Variants in CPSF3 observed in about 807,000 individuals in gnomAD.
CPSF3 encodes cleavage and polyadenylation specificity factor subunit 3.
In CPSF3, 57 loss-of-function variants were observed where a neutral mutation model predicts 84.1. The observed-to-expected ratio is 0.68, with a 90% CI of 0.55 to 0.85. The LOEUF is 0.85. Ranked by LOEUF, CPSF3 falls within the 40% of genes least tolerant of loss-of-function variation. The pLI is 0.00. For synonymous variants in CPSF3, 275 were observed against 278.1 expected, an observed-to-expected ratio of 0.99 and a Z score of 0.11; for missense variants, 522 against 838.8, an observed-to-expected ratio of 0.62 and a Z score of 4.66.
chr2:9,443,399 T>A (rs1681019887), intron 9 of CPSF3, 116 bp from the exon 10 acceptor site: 1 of 973,948 alleles, frequency 1.0e-6, no homozygotes, highest in Admixed American at 2.5e-5. Flanking sequence ...TAGAATGATT[T>A]TGTGCGTAAG....
chr2:9,426,661 A>G (rs529198962), intron 1 of CPSF3, among the ~76,000 whole-genome samples: 1 of 152,278 alleles, frequency 6.6e-6, no homozygotes, highest in East Asian at 1.9e-4. Context: ...GAAACAGGAA[A>G]GCCAGCAAGA....
At chr2:9,435,772 G>A (rs1015435005) in intron 6 of CPSF3, among the ~76,000 whole-genome samples, 4 of 147,168 alleles carry the variant, frequency 2.7e-5, no homozygotes, top group African/African-American at 1.0e-4. Context: ...TTGCTCTGTC[G>A]CCCAGGCTGG....
At chr2:9,449,834 C>T (rs1681254201) in intron 11 of CPSF3, among the ~76,000 whole-genome samples, 1 of 152,152 alleles carries the variant, frequency 6.6e-6, no homozygotes, top group African/African-American at 2.4e-5. Context: ...CCTGAGCTGG[C>T]TTTTTAGAGG....
intron 9 of CPSF3, among the ~76,000 whole-genome samples, chr2:9,442,479 AATATG>A (rs1220725746): frequency 6.6e-6 from 1 of 152,216 alleles, no homozygotes; most frequent in African/African-American, 2.4e-5. Flanking sequence ...TATTTTTAAA[AATATG>A]ATATGATTCT....
intron 7 of CPSF3, among the ~76,000 whole-genome samples, chr2:9,439,063 A>G (rs1347169469): frequency 6.6e-6 from 1 of 152,242 alleles, no homozygotes; most frequent in Non-Finnish European, 1.5e-5. Flanking sequence ...CTAAGAAATC[A>G]TAAGAGTAAT....
rs553118377 is a variant in CPSF3, at chr2:9,459,713, G to A, written c.1786+95G>A. 18 of 575,350 alleles carry A rather than the reference G, an allele frequency of 3.1e-5. 1 individual carries two copies. Among genetic ancestry groups the A allele is most frequent in the African/African-American group, 1.7e-4 (7 of 41,600 alleles). The allele number at this position is 575,350 out of a possible 1,614,324, so 35.6% of individuals were successfully genotyped here. ...CATCCAGGCTGGAGTGCAGTGGCAC[G>A]ATCTCAGCTCACTGCATCCTCCACT... On this transcript the variant is annotated intron_variant, in intron 15 of 17. Coordinates refer to ENST00000238112, the MANE Select transcript of CPSF3 (RefSeq NM_016207.4).
intron 14 of CPSF3, among the ~76,000 whole-genome samples, chr2:9,458,987 C>T (rs1681629211): frequency 1.3e-5 from 2 of 151,970 alleles, no homozygotes; most frequent in East Asian, 1.9e-4. Context: ...TGGCACATAC[C>T]TGTAATCCCA....
intron 15 of CPSF3, among the ~76,000 whole-genome samples, chr2:9,463,029 TC>T (rs1681782401): frequency 6.6e-6 from 1 of 152,164 alleles, no homozygotes; most frequent in African/African-American, 2.4e-5. Flanking sequence ...GAGCACCTGC[TC>T]CCCAGCAGGC....
At chr2:9,462,199 T>C (rs549275976) in intron 15 of CPSF3, among the ~76,000 whole-genome samples, 20 of 152,232 alleles carry the variant, frequency 1.3e-4, no homozygotes, top group Non-Finnish European at 2.5e-4. Flanking sequence ...AAGGCCCCCA[T>C]CCTTCTAAGA....
In CPSF3 at chr2:9,436,321, C is replaced by G; in HGVS notation, c.720C>G (p.Val240=). The G allele has an allele frequency of 1.2e-6, 2 of 1,613,928 alleles. No individual in the cohort carries two copies. The highest frequency in any genetic ancestry group is 1.7e-6 in the Non-Finnish European group (2 of 1,179,898). ...VNRGGRGLIP[V]FALGRAQELL... ...GAGGAGGCAGGGGTCTCATTCCTGT[C>G]TTTGCTCTTGGAAGGGCTCAGGAGC... Residue 240 remains valine, a synonymous_variant, in exon 7 of 18, where the codon GTC becomes GTG. Coordinates refer to ENST00000238112, the MANE Select transcript of CPSF3 (RefSeq NM_016207.4).
chr2:9,468,586 C>T (rs1215498217), intron 16 of CPSF3, among the ~76,000 whole-genome samples: 1 of 149,324 alleles, frequency 6.7e-6, no homozygotes, highest in Non-Finnish European at 1.5e-5. Flanking sequence ...CATTTCTGTT[C>T]CTTCCTTTCT....
Position 9,428,753 on chromosome 2 carries a change from G to A in CPSF3, c.51-12G>A. 6.3e-7 allele frequency: 1 copy of A among 1,589,728 alleles called. No homozygotes were observed. The highest frequency in any genetic ancestry group is 8.6e-7 in the Non-Finnish European group (1 of 1,159,934). On this transcript the variant is annotated splice_polypyrimidine_tract_variant and intron_variant, in intron 1 of 17. Transcript: ENST00000238112. ...TTTTAATCCTTCTTTTTCTCCCCTT[G>A]AATATTTACAGTGGAGCTGGGCAAG...
At chr2:9,453,885 A>G (rs1187958192) in intron 12 of CPSF3, among the ~76,000 whole-genome samples, 1 of 152,150 alleles carries the variant, frequency 6.6e-6, no homozygotes, top group Non-Finnish European at 1.5e-5. Context: ...GCAAGACTCC[A>G]TCTCAAAAAA....
rs566363087 is a variant in CPSF3, at chr2:9,453,153, C to T, written c.1504+132C>T. On this transcript the variant is annotated intron_variant, in intron 12 of 17. Coordinates refer to ENST00000238112, the MANE Select transcript of CPSF3 (RefSeq NM_016207.4). ...ATAAAAAAGGAATGAGGCAAGTTAG[C>T]TAATTAGCTTTGTGGGGAGAGAAAA... 378 of 571,270 alleles carry T rather than the reference C, an allele frequency of 6.6e-4. 5 individuals are homozygous for T. In the East Asian group the frequency reaches 0.011, roughly 17 times the overall value. The allele number at this position is 571,270 out of a possible 1,614,324, so 35.4% of individuals were successfully genotyped here.
Position 9,456,967 on chromosome 2 carries a change from T to A in CPSF3, c.1638T>A (p.Pro546=). Residue 546 remains proline (P), a synonymous_variant, in exon 14 of 18, where the codon CCT becomes CCA. Coordinates refer to ENST00000238112, the MANE Select transcript of CPSF3 (RefSeq NM_016207.4). The part of the protein sequence containing the change: ...DVEELEIQEK[P]ALKVFKNITV... The stretch of plus-strand genomic sequence containing the variant: ...AAGAATTAGAAATTCAAGAAAAACC[T>A]GCTCTGAAAGTGTTCAAAAATATTA... 3 of 1,602,708 alleles carry A rather than the reference T, an allele frequency of 1.9e-6. No homozygotes were observed. The highest frequency in any genetic ancestry group is 1.7e-6 in the Non-Finnish European group (2 of 1,173,632).
chr2:9,466,322 A>G (rs56041361), intron 15 of CPSF3, among the ~76,000 whole-genome samples: 41,407 of 136,548 alleles, frequency 0.3, 6,493 homozygotes, highest in Non-Finnish European at 0.39. Flanking sequence ...TGACGCACGC[A>G]CACAGACGCA....
intron 2 of CPSF3, 54 bp downstream of exon 2, chr2:9,428,882 G>A: frequency 1.9e-6 from 2 of 1,079,374 alleles, no homozygotes; most frequent in East Asian, 2.4e-5. Flanking sequence ...TGTATTGGGT[G>A]TTAGTCTTTT....
At position 9,466,418 on chromosome 2, in the gene CPSF3, ACACGCGCACACACGCG is replaced by A. The variant is rs1379464695; in HGVS notation, c.1787-1285_1787-1270del. Among the ~76,000 whole-genome samples, 1,379 of 142,886 alleles carry A rather than the reference ACACGCGCACACACGCG, an allele frequency of 9.7e-3. 23 individuals are homozygous for A. Among genetic ancestry groups the A allele is most frequent in the African/African-American group, 0.036 (1,297 of 36,394 alleles). 93.7% of individuals were successfully genotyped at this position (142,886 alleles called of 152,430 possible). Reference sequence around the variant, plus strand: ...CACACACACGCACGCGCACACACGCACACGCGCACACACGCGCACACACACAAAATTAGCTGGGCAT... The same window carrying A: ...CACACACACGCACGCGCACACACGCACACACACACAAAATTAGCTGGGCAT... On this transcript the variant is annotated intron_variant, in intron 15 of 17. Transcript: ENST00000238112.
At chr2:9,472,881 TAATTC>T (rs1682229717) in intron 17 of CPSF3, 30 bp from the exon 18 acceptor site, 2 of 1,310,338 alleles carry the variant, frequency 1.5e-6, no homozygotes, top group African/African-American at 1.5e-5. Flanking sequence ...ATTATAGACT[TAATTC>T]TAACAGTCTT....
Sources: gnomAD v4.1 joint callset for allele counts (sites outside exome capture counted in the v4.1 genomes callset) on GRCh38, gnomAD v4.1.1 for gene constraint, MANE v1.5 for transcripts, NCBI Gene and HGNC (gene_info 2026-07-23, HGNC 2026-07-21) for gene names.